The following WASF3 variants were observed in gnomAD, a reference collection of about 807,000 sequenced individuals.
WASF3 encodes WASP family member 3, also known as actin-binding protein WASF3.
Under a neutral mutation model 46.6 loss-of-function variants are expected in WASF3, and 11 were observed. That is an observed-to-expected ratio of 0.24 (90% CI 0.15 to 0.39). The LOEUF is 0.39. WASF3 is among the 10% of genes least tolerant of loss of function. The probability of loss-of-function intolerance (pLI) is 1.00; values close to 1 mark genes in which losing one functional copy is unlikely to be tolerated. For synonymous variants in WASF3, 242 were observed against 259.7 expected (o/e 0.93, Z 0.65); for missense variants, 576 against 669.8 (o/e 0.86, Z 1.55).
chr13:26,685,091 A>C (rs1883362041), intron 9 of WASF3, among the ~76,000 whole-genome samples: 1 of 146,504 alleles, frequency 6.8e-6, no homozygotes, highest in African/African-American at 2.5e-5. Context: ...CAATCTCAAA[A>C]AAAAAAAAAA....
At chr13:26,587,509 A>G (rs1276099146) in intron 1 of WASF3, among the ~76,000 whole-genome samples, 6 of 152,166 alleles carry the variant, frequency 3.9e-5, no homozygotes, top group Non-Finnish European at 8.8e-5. Context: ...AGGATGGAGG[A>G]GTATTATTTT....
intron 1 of WASF3, among the ~76,000 whole-genome samples, chr13:26,604,169 ACTGTTT>A (rs1467018537): frequency 6.6e-6 from 1 of 152,174 alleles, no homozygotes; most frequent in Non-Finnish European, 1.5e-5. Flanking sequence ...CTTCCATTAG[ACTGTTT>A]CCTAATTTGC....
chr13:26,603,056 G>A (rs1378873608), intron 1 of WASF3, among the ~76,000 whole-genome samples: 2 of 152,134 alleles, frequency 1.3e-5, no homozygotes, highest in Non-Finnish European at 1.5e-5. Flanking sequence ...AGGCGATAAG[G>A]GCCCATGGGG....
At chr13:26,550,287 C>T in the WASF3 span, among the ~76,000 whole-genome samples, 1 of 152,082 alleles carries the variant, frequency 6.6e-6, no homozygotes, top group African/African-American at 2.4e-5. Flanking sequence ...CAAATAAGTG[C>T]AGTGCATTTT....
intron 2 of WASF3, among the ~76,000 whole-genome samples, chr13:26,632,612 G>C (rs759087978): frequency 1.3e-5 from 2 of 152,184 alleles, no homozygotes; most frequent in Non-Finnish European, 2.9e-5. Flanking sequence ...AAGTTCATCA[G>C]GGATATTGAT....
In WASF3 at chr13:26,614,066, TTTTC is replaced by T. The variant is rs930756276; in HGVS notation, c.-11+1020_-11+1023del. 2.6e-5 allele frequency among the ~76,000 whole-genome samples: 4 copies of T among 152,304 alleles called. No individual in the cohort carries two copies. The South Asian group carries it at 6.2e-4, about 24-fold the overall frequency. ...TGAGAGGATGTATATGGAATTTTCCTTTTCTTTCTTTCTTTTTTCTTTTGGAAGG... is the reference window on the plus strand; with the variant it reads ...TGAGAGGATGTATATGGAATTTTCCTTTTCTTTCTTTTTTCTTTTGGAAGG... On this transcript the variant is annotated intron_variant, in intron 2 of 9. Transcript: ENST00000335327.
upstream of WASF3, among the ~76,000 whole-genome samples, chr13:26,553,374 C>T (rs1285296996): frequency 2.0e-5 from 3 of 151,836 alleles, no homozygotes; most frequent in African/African-American, 4.8e-5. Flanking sequence ...TTACAGGTAT[C>T]GAGTCTCCAC....
intron 9 of WASF3, 95 bp from the exon 10 acceptor site, chr13:26,685,593 G>A (rs1451029544): frequency 1.4e-6 from 2 of 1,461,614 alleles, no homozygotes; most frequent in Admixed American, 2.0e-5. Flanking sequence ...CTTAGTGTCA[G>A]TAGAAAAAAA....
intron 7 of WASF3, chr13:26,680,136 G>A (rs747426515): frequency 6.9e-6 from 11 of 1,597,812 alleles, no homozygotes; most frequent in East Asian, 2.2e-5. Context: ...TGGGCATTGA[G>A]TTTATGAGTG....
chr13:26,653,082 T>TC (rs1369004669), intron 3 of WASF3, among the ~76,000 whole-genome samples: 2 of 152,172 alleles, frequency 1.3e-5, no homozygotes, highest in Non-Finnish European at 2.9e-5. Context: ...AGTAAAGGTC[T>TC]CCCTCTGACA....
intron 1 of WASF3, among the ~76,000 whole-genome samples, chr13:26,605,630 G>A (rs1475751180): frequency 1.3e-5 from 2 of 152,152 alleles, no homozygotes; most frequent in Non-Finnish European, 2.9e-5. Context: ...AATGGAATTA[G>A]GGATCAAAGT....
chr13:26,558,496 G>A (rs566969152), intron 1 of WASF3, among the ~76,000 whole-genome samples: 61 of 144,036 alleles, frequency 4.2e-4, no homozygotes, highest in African/African-American at 1.5e-3. Flanking sequence ...CGGCGCGCGG[G>A]GTATCATCCC....
chr13:26,677,833 T>C (rs1008062694), intron 7 of WASF3, among the ~76,000 whole-genome samples: 6 of 152,248 alleles, frequency 3.9e-5, no homozygotes, highest in African/African-American at 1.4e-4. Flanking sequence ...ATAGCTCCCA[T>C]GATGTCAATC....
chr13:26,555,905 T>A (rs1879087464), upstream of WASF3, among the ~76,000 whole-genome samples: 1 of 152,202 alleles, frequency 6.6e-6, no homozygotes, highest in Non-Finnish European at 1.5e-5. Context: ...TGGGCTCTAA[T>A]CCTCTAACAA....
chr13:26,645,760 G>C (rs1882132019), intron 3 of WASF3, among the ~76,000 whole-genome samples: 1 of 152,190 alleles, frequency 6.6e-6, no homozygotes, highest in Non-Finnish European at 1.5e-5. Flanking sequence ...GTCAGTAGAA[G>C]CAAGACCCAC....
In WASF3 at chr13:26,679,915, C is replaced by T; in HGVS notation, c.717-1139C>T. 8.3e-7 allele frequency: 1 copy of T among 1,208,086 alleles called. No individual in the cohort carries two copies. Among genetic ancestry groups the T allele is most frequent in the South Asian group, 1.5e-5 (1 of 65,752 alleles). The allele number at this position is 1,208,086 out of a possible 1,614,324, so 74.8% of individuals were successfully genotyped here. On this transcript the variant is annotated intron_variant, in intron 7 of 9. Coordinates refer to ENST00000335327, the MANE Select transcript of WASF3 (RefSeq NM_006646.6). This position sits in a 1 kb window ranked among gnomAD's most constrained non-coding sequence, Gnocchi z 4.8. ...GTCTCTTCTCATTTGGAAGGCTTTT[C>T]TGTGCCACATGGTGCCCCAGTTAAG...
At chr13:26,642,425 T>G (rs1303556589) in intron 3 of WASF3, 22 bp downstream of exon 3, 4 of 1,567,916 alleles carry the variant, frequency 2.6e-6, no homozygotes, top group Non-Finnish European at 3.4e-6. Context: ...TTTTTCTGAT[T>G]ACCAATGACA....
At chr13:26,560,532 C>T (rs548766556) in intron 1 of WASF3, among the ~76,000 whole-genome samples, 1 of 152,098 alleles carries the variant, frequency 6.6e-6, no homozygotes, top group East Asian at 1.9e-4. Flanking sequence ...TGAATGCCTA[C>T]TAGGTACCAG....
At chr13:26,636,714 C>T (rs1196120171) in intron 2 of WASF3, among the ~76,000 whole-genome samples, 2 of 152,204 alleles carry the variant, frequency 1.3e-5, no homozygotes, top group Non-Finnish European at 2.9e-5. Context: ...AGCAGCCAGG[C>T]TGTTTGCACC....
Sources: gnomAD v4.1 joint callset for allele counts (sites outside exome capture counted in the v4.1 genomes callset) on GRCh38, gnomAD v4.1.1 for gene constraint, Gnocchi (gnomAD v3.1) non-coding constraint, MANE v1.5 for transcripts, NCBI Gene and HGNC (gene_info 2026-07-23, HGNC 2026-07-21) for gene names.